The following CCDC7 variants were observed in gnomAD, a reference collection of about 807,000 sequenced individuals.
CCDC7 encodes coiled-coil domain containing 7, also known as coiled-coil domain-containing protein 7.
A neutral mutation model predicts 196.9 loss-of-function variants in CCDC7; 183 were observed. The observed-to-expected ratio is 0.93, with a 90% CI of 0.82 to 1.05. The LOEUF (loss-of-function observed/expected upper bound fraction) is 1.05, where lower values mean the gene tolerates loss of function less well. CCDC7 is among the 50% of genes least tolerant of loss of function. The pLI is 0.00. For missense variants in CCDC7, 1,540 were observed against 1,482.2 expected, an observed-to-expected ratio of 1.04 and a Z score of -0.64; for synonymous variants, 525 against 484.6, an observed-to-expected ratio of 1.08 and a Z score of -1.10.
Position 32,854,472 on chromosome 10 carries a change from G to GA in CCDC7, c.4098dup (p.Pro1367ThrfsTer4), listed in dbSNP as rs779833982. The GA allele has an allele frequency of 7.0e-6, 11 of 1,577,930 alleles. No homozygotes were observed. Among genetic ancestry groups the GA allele is most frequent in the Non-Finnish European group, 9.6e-6 (11 of 1,150,604 alleles). ...CTGCCTACTGTGACCAATACAGTTG[G>GA]AAAACCTACCTATAAAGGTAAAAGA... On this transcript the variant is annotated frameshift_variant, in exon 41 of 42. Coordinates refer to ENST00000639629, the Ensembl canonical transcript of CCDC7. LOFTEE classifies it low-confidence loss of function (END_TRUNC).
chr10:32,510,915 A>G (rs2046011458), intron 9 of CCDC7, among the ~76,000 whole-genome samples: 2 of 151,492 alleles, frequency 1.3e-5, no homozygotes, highest in Non-Finnish European at 2.9e-5. Flanking sequence ...ATATAGTGAA[A>G]ACAGATGTGC....
At chr10:32,747,145 C>T (rs1369755961) in intron 28 of CCDC7, among the ~76,000 whole-genome samples, 1 of 152,126 alleles carries the variant, frequency 6.6e-6, no homozygotes, top group Admixed American at 6.5e-5. Context: ...AGAGAAAAGC[C>T]ACAGGCCTGG....
At chr10:32,640,410 G>A (rs983389210) in intron 20 of CCDC7, among the ~76,000 whole-genome samples, 4 of 152,198 alleles carry the variant, frequency 2.6e-5, no homozygotes, top group East Asian at 1.9e-4. Context: ...GTCTCTGCAC[G>A]TGAGATGGGT....
chr10:32,657,055 G>A (rs897728790), intron 20 of CCDC7, among the ~76,000 whole-genome samples: 5 of 152,230 alleles, frequency 3.3e-5, no homozygotes, highest in African/African-American at 1.2e-4. Context: ...CACATCCAGG[G>A]CACACTGGTG....
rs145387931 is a variant in CCDC7 at position 32,828,821 on chromosome 10, C to T, written c.3268+4217C>T. Among the ~76,000 whole-genome samples the T allele has an allele frequency of 2.6e-3, 389 of 152,254 alleles. 2 individuals are homozygous for T. The highest frequency in any genetic ancestry group is 9.1e-3 in the African/African-American group (376 of 41,538). On this transcript the variant is annotated intron_variant, in intron 32 of 41. Coordinates refer to ENST00000639629, the Ensembl canonical transcript of CCDC7. ...ATCATGGGGTGGAAGTGGGAAGTGG[C>T]ACCACTCACCATCACCCCTAGTGAT...
intron 25 of CCDC7, among the ~76,000 whole-genome samples, chr10:32,715,974 A>G (rs1264402244): frequency 6.6e-6 from 1 of 152,236 alleles, no homozygotes; most frequent in Non-Finnish European, 1.5e-5. Context: ...GTTGGAAAAC[A>G]TGCTGCAGGA....
upstream of CCDC7, among the ~76,000 whole-genome samples, chr10:32,450,594 T>C (rs2032783008): frequency 6.6e-6 from 1 of 152,118 alleles, no homozygotes. Context: ...ATTTGGGAGG[T>C]GGCATTGTCC....
intron 29 of CCDC7, 110 bp downstream of exon 30, chr10:32,779,194 C>A: frequency 1.3e-6 from 1 of 795,600 alleles, no homozygotes; most frequent in Non-Finnish European, 1.9e-6. Flanking sequence ...AGTAGTCTTT[C>A]TCAACTTAAG....
intron 9 of CCDC7, among the ~76,000 whole-genome samples, chr10:32,497,890 C>T (rs1190284287): frequency 6.6e-6 from 1 of 152,132 alleles, no homozygotes; most frequent in Non-Finnish European, 1.5e-5. Flanking sequence ...GTGGAAAGTT[C>T]TGTAGATGTC....
intron 28 of CCDC7, among the ~76,000 whole-genome samples, chr10:32,772,189 C>G (rs2079271624): frequency 1.3e-5 from 2 of 152,178 alleles, no homozygotes; most frequent in African/African-American, 4.8e-5. Flanking sequence ...TCTCAGACCA[C>G]TGGGTTGATG....
intron 2 of CCDC7, among the ~76,000 whole-genome samples, chr10:32,455,177 A>G (rs2034033354): frequency 6.6e-6 from 1 of 151,846 alleles, no homozygotes; most frequent in Non-Finnish European, 1.5e-5. Context: ...AGTAACACTA[A>G]TCTGTTCATT....
chr10:32,702,558 C>T (rs1013360144), intron 24 of CCDC7, among the ~76,000 whole-genome samples: 10 of 152,026 alleles, frequency 6.6e-5, no homozygotes, highest in Non-Finnish European at 8.8e-5. Flanking sequence ...GAGCTGAGTT[C>T]AATTCCTGGA....
At chr10:32,681,054 C>T (rs1028412027) in intron 21 of CCDC7, among the ~76,000 whole-genome samples, 4 of 152,184 alleles carry the variant, frequency 2.6e-5, no homozygotes, top group African/African-American at 9.6e-5. Flanking sequence ...CCATCAGTCT[C>T]CACCTTTGAG....
In CCDC7 at chr10:32,750,974, G is replaced by T. The variant is rs543418325; in HGVS notation, c.2905+21517G>T. Among the ~76,000 whole-genome samples the T allele has an allele frequency of 3.9e-5, 6 of 152,190 alleles. No homozygotes were observed. In the South Asian group the frequency reaches 1.2e-3, roughly 32 times the overall value. On this transcript the variant is annotated intron_variant, in intron 28 of 41. Transcript: ENST00000639629. ...TATAAAGTGGCAGAGGATAAAAGGG[G>T]GTAGTGGTATAAGAAATAATTAATG... is the stretch of plus-strand genomic sequence containing the variant.
At chr10:32,698,699 C>G (rs1281750652) in intron 24 of CCDC7, among the ~76,000 whole-genome samples, 1 of 152,124 alleles carries the variant, frequency 6.6e-6, no homozygotes, top group Non-Finnish European at 1.5e-5. Context: ...AAATATGGGA[C>G]TATGTGAAAA....
chr10:32,590,722 C>T (rs112415037), intron 18 of CCDC7, among the ~76,000 whole-genome samples: 6 of 152,032 alleles, frequency 3.9e-5, no homozygotes, highest in African/African-American at 1.2e-4. Context: ...TTTATTTTTC[C>T]TTTATGCTTA....
chr10:32,814,600 A>C, intron 31 of CCDC7, 147 bp downstream of exon 32: 1 of 566,414 alleles, frequency 1.8e-6, no homozygotes, highest in Non-Finnish European at 3.1e-6. Context: ...TAATATTTCA[A>C]CTCTAGTTTC....
chr10:32,526,575 G>T (rs1405295240), intron 11 of CCDC7, among the ~76,000 whole-genome samples: 1 of 152,170 alleles, frequency 6.6e-6, no homozygotes, highest in Non-Finnish European at 1.5e-5. Context: ...TGTACTCTGT[G>T]CATATCACTG....
intron 33 of CCDC7, among the ~76,000 whole-genome samples, chr10:32,844,568 T>C (rs1336966805): frequency 6.6e-6 from 1 of 151,886 alleles, no homozygotes; most frequent in East Asian, 1.9e-4. Flanking sequence ...CATCCCACAG[T>C]AGATAGTGCT....
Sources: allele counts gnomAD v4.1 joint callset (sites outside exome capture counted in the v4.1 genomes callset), GRCh38; gene constraint gnomAD v4.1.1; transcripts MANE v1.5; gene names NCBI Gene and HGNC (gene_info 2026-07-23, HGNC 2026-07-21).